Variants in FRMD6 observed in about 807,000 individuals in gnomAD.
The protein encoded by FRMD6 is FERM domain containing 6, also known as FERM domain-containing protein 6.
In FRMD6, 37 loss-of-function variants were observed where a neutral mutation model predicts 73.2. The observed-to-expected ratio is 0.51, with a 90% confidence interval of 0.39 to 0.66. FRMD6 has a LOEUF of 0.66. Ranked by LOEUF, FRMD6 falls within the 30% of genes least tolerant of loss-of-function variation. FRMD6 has a pLI of 0.00. For missense variants in FRMD6, 714 were observed against 780.5 expected (o/e 0.91, Z 1.02); for synonymous variants, 273 against 282.2 (o/e 0.97, Z 0.33).
intron 2 of FRMD6, among the ~76,000 whole-genome samples, chr14:51,619,380 G>GAAA (rs796364037): frequency 8.0e-6 from 1 of 124,778 alleles, no homozygotes. Context: ...GGAGGATAAA[G>GAAA]AAAAAAAAAA....
the FRMD6 span, among the ~76,000 whole-genome samples, chr14:51,417,986 C>T: frequency 0.014 from 2,197 of 152,202 alleles, 25 homozygotes; most frequent in African/African-American, 0.029. Context: ...TCTTGTGCCA[C>T]GGTTTTCGGC....
At chr14:51,669,975 A>G (rs1594699918) in intron 1 of FRMD6, among the ~76,000 whole-genome samples, 1 of 152,272 alleles carries the variant, frequency 6.6e-6, no homozygotes, top group South Asian at 2.1e-4. Context: ...TTCATTTCAA[A>G]GTAATTTCTG....
the FRMD6 span, among the ~76,000 whole-genome samples, chr14:51,398,178 A>G: frequency 6.1e-4 from 93 of 152,232 alleles, 1 homozygote; most frequent in Admixed American, 6.1e-3. Flanking sequence ...TTAAGTGCAT[A>G]TTTTGAAACT....
At chr14:51,611,986 G>A (rs1195780841) in intron 2 of FRMD6, among the ~76,000 whole-genome samples, 1 of 152,042 alleles carries the variant, frequency 6.6e-6, no homozygotes, top group East Asian at 1.9e-4. Context: ...AAACTGCATA[G>A]AGAAAACTGG....
chr14:51,704,892 A>T lies in FRMD6; in HGVS notation c.515A>T (p.His172Leu). 1 of 1,613,010 alleles carries T rather than the reference A, an allele frequency of 6.2e-7. No individual in the cohort carries two copies. Among genetic ancestry groups the T allele is most frequent in the Non-Finnish European group, 8.5e-7 (1 of 1,179,336 alleles). The change falls in exon 6 of 14, where the codon CAC (histidine) becomes CTC (leucine). Residue 172 changes from histidine (H) to leucine (L), a missense_variant. Physicochemically the swap from His to Leu is moderately conservative, Grantham distance 99. Transcript: ENST00000344768. ...ADLGNFKRNK[H>L]YGKYFEPEAY... is the part of the protein sequence containing the mutation. Reference sequence around the variant, plus strand: ...CTTGGGAACTTCAAAAGGAATAAGCACTATGGAAAATACTTCGAGCCAGAG... The same window carrying T: ...CTTGGGAACTTCAAAAGGAATAAGCTCTATGGAAAATACTTCGAGCCAGAG...
intron 1 of FRMD6, among the ~76,000 whole-genome samples, chr14:51,656,424 T>C (rs1892826463): frequency 6.6e-6 from 1 of 151,628 alleles, no homozygotes; most frequent in Non-Finnish European, 1.5e-5. Flanking sequence ...TTTCTTTTTT[T>C]TTTTTCTGAG....
chr14:51,405,284 A>G, the FRMD6 span, among the ~76,000 whole-genome samples: 1 of 152,164 alleles, frequency 6.6e-6, no homozygotes, highest in Non-Finnish European at 1.5e-5. Context: ...TCTTCTGGGT[A>G]TATTCCAAGA....
At chr14:51,596,077 G>C (rs948576913) in intron 2 of FRMD6, among the ~76,000 whole-genome samples, 3 of 152,118 alleles carry the variant, frequency 2.0e-5, no homozygotes, top group African/African-American at 7.2e-5. Flanking sequence ...CCACTGAGAT[G>C]CCTCTCTAGC....
the FRMD6 span, chr14:51,436,748 G>C: frequency 1.9e-6 from 1 of 540,234 alleles, no homozygotes; most frequent in Non-Finnish European, 3.4e-6. Flanking sequence ...TTCCGATATG[G>C]ATGATGAAGA....
intron 1 of FRMD6, among the ~76,000 whole-genome samples, chr14:51,565,930 C>T (rs1322914828): frequency 5.3e-5 from 8 of 152,044 alleles, no homozygotes; most frequent in Non-Finnish European, 8.8e-5. Flanking sequence ...TTTGGGAGGC[C>T]GAGGCGGGCA....
intron 1 of FRMD6, among the ~76,000 whole-genome samples, chr14:51,521,023 G>A (rs934250537): frequency 2.6e-5 from 4 of 152,192 alleles, no homozygotes; most frequent in South Asian, 2.1e-4. Flanking sequence ...GCAAAAGAAC[G>A]TACATTTTAT....
intron 2 of FRMD6, among the ~76,000 whole-genome samples, chr14:51,592,481 A>G (rs1199592912): frequency 6.6e-6 from 1 of 152,178 alleles, no homozygotes; most frequent in Non-Finnish European, 1.5e-5. Context: ...AAATATTCTA[A>G]CCTATCTCTC....
chr14:51,635,156 A>G (rs769112103), intron 2 of FRMD6, among the ~76,000 whole-genome samples: 6 of 152,156 alleles, frequency 3.9e-5, no homozygotes, highest in Non-Finnish European at 4.4e-5. Context: ...GCTGAGGTAC[A>G]GAGGTCAGTT....
chr14:51,644,444 G>T (rs1490316806), intron 2 of FRMD6, among the ~76,000 whole-genome samples: 2 of 151,104 alleles, frequency 1.3e-5, no homozygotes, highest in Non-Finnish European at 2.9e-5. Flanking sequence ...TAATTTATGG[G>T]ATTCATTCAT....
intron 1 of FRMD6, among the ~76,000 whole-genome samples, chr14:51,671,083 G>A (rs1275172457): frequency 2.0e-5 from 3 of 152,106 alleles, no homozygotes; most frequent in East Asian, 1.9e-4. Flanking sequence ...CCAATCTTGC[G>A]TTCCTGGAAT....
the FRMD6 span, among the ~76,000 whole-genome samples, chr14:51,443,943 G>GTT: frequency 0.47 from 66,707 of 140,572 alleles, 16,638 homozygotes; most frequent in East Asian, 0.67. Context: ...CAAGTTGTGA[G>GTT]TTTTTTTTTT....
At chr14:51,708,293 G>A (rs1368766837) in intron 7 of FRMD6, 60 bp downstream of exon 7, 1 of 1,470,088 alleles carries the variant, frequency 6.8e-7, no homozygotes, top group East Asian at 2.3e-5. Flanking sequence ...CAATAGGATT[G>A]AGAAGGAAAA....
At chr14:51,626,457 G>C (rs867353651) in intron 2 of FRMD6, among the ~76,000 whole-genome samples, 14 of 152,082 alleles carry the variant, frequency 9.2e-5, no homozygotes, top group Admixed American at 4.6e-4. Context: ...AGTTTCCCTT[G>C]GCCCCAGTTA....
chr14:51,626,517 T>A (rs963334919), intron 2 of FRMD6, among the ~76,000 whole-genome samples: 1 of 152,260 alleles, frequency 6.6e-6, no homozygotes, highest in Admixed American at 6.5e-5. Context: ...TAAGAATACC[T>A]ACTTTGCCAC....
Sources: gnomAD v4.1 joint callset for allele counts (sites outside exome capture counted in the v4.1 genomes callset) on GRCh38, gnomAD v4.1.1 for gene constraint, MANE v1.5 for transcripts, NCBI Gene and HGNC (gene_info 2026-07-23, HGNC 2026-07-21) for gene names.